CFAP44: variants seen among roughly 807,000 people sequenced by gnomAD.
CFAP44 encodes the protein cilia- and flagella-associated protein 44.
Under a neutral mutation model 216.2 loss-of-function variants are expected in CFAP44, and 134 were observed. That is an observed-to-expected ratio of 0.62 (90% CI 0.54 to 0.72). The LOEUF (loss-of-function observed/expected upper bound fraction) is 0.72, where lower values mean the gene tolerates loss of function less well. Among genes scored for constraint, CFAP44 ranks in the 30% least tolerant of loss-of-function variants. The pLI is 0.00. For synonymous variants in CFAP44, 700 were observed against 727.6 expected (o/e 0.96, Z 0.61); for missense variants, 2,035 against 2,182.1 (o/e 0.93, Z 1.34).
chr3:113,337,202 C>T (rs1950288643), intron 24 of CFAP44, among the ~76,000 whole-genome samples: 2 of 150,990 alleles, frequency 1.3e-5, no homozygotes, highest in Admixed American at 6.6e-5. Context: ...AAACACAATA[C>T]CATTTAAAAT....
At chr3:113,380,292 C>G (rs762655642) in intron 16 of CFAP44, among the ~76,000 whole-genome samples, 6 of 152,166 alleles carry the variant, frequency 3.9e-5, no homozygotes, top group African/African-American at 7.2e-5. Context: ...CAGACTCTTG[C>G]AACATCCTTC....
In CFAP44 at chr3:113,333,467, G is replaced by T. The variant is rs61732431; in HGVS notation, c.3554C>A (p.Pro1185His). The T allele has an allele frequency of 5.9e-6, 9 of 1,536,904 alleles. No homozygotes were observed. In the Admixed American group the frequency reaches 1.8e-4, roughly 30 times the overall value. The part of the protein sequence containing the change: ...NLKTAPDYKI[P>H]EHMRINAAKK... Reference sequence around the variant, plus strand: ...GGCAGCATTTATTCTCATGTGCTCAGGTATCTTGTAGTCTGGGGCTGTCTT... The same window carrying T: ...GGCAGCATTTATTCTCATGTGCTCATGTATCTTGTAGTCTGGGGCTGTCTT... Residue 1185 changes from proline (P) to histidine (H), a missense_variant, in exon 25 of 35, where the codon CCT becomes CAT. Physicochemically the swap from Pro to His is moderately conservative, Grantham distance 77. Around this residue, in one of 3 missense-constraint regions of CFAP44, gnomAD observed 1,883 missense variants for 2,023.7 expected, o/e 0.93. Transcript: ENST00000393845.
At chr3:113,358,528 T>A (rs1406911465) in intron 22 of CFAP44, among the ~76,000 whole-genome samples, 1 of 152,192 alleles carries the variant, frequency 6.6e-6, no homozygotes, top group African/African-American at 2.4e-5. Flanking sequence ...TTTTAAAATG[T>A]AAGTGTTAAA....
intron 26 of CFAP44, 82 bp from the exon 27 acceptor site, chr3:113,327,901 T>G: frequency 7.7e-7 from 1 of 1,291,808 alleles, no homozygotes; most frequent in Non-Finnish European, 1.0e-6. Flanking sequence ...CTAATTTGTA[T>G]GAAGTCATTT....
chr3:113,438,964 C>T (rs1018696156), intron 1 of CFAP44, among the ~76,000 whole-genome samples: 5 of 152,132 alleles, frequency 3.3e-5, no homozygotes, highest in African/African-American at 1.2e-4. Flanking sequence ...ATATGTTCTT[C>T]GTAGGATCTG....
At chr3:113,376,561 A>C (rs1231160208) in intron 17 of CFAP44, among the ~76,000 whole-genome samples, 1 of 152,240 alleles carries the variant, frequency 6.6e-6, no homozygotes, top group Non-Finnish European at 1.5e-5. Flanking sequence ...GTAATGTCTT[A>C]GAAGCCAAGA....
At chr3:113,334,260 T>C (rs1484525424) in intron 24 of CFAP44, among the ~76,000 whole-genome samples, 2 of 152,194 alleles carry the variant, frequency 1.3e-5, no homozygotes, top group Non-Finnish European at 2.9e-5. Context: ...AATTAAACTT[T>C]GTAATTGCAT....
intron 3 of CFAP44, chr3:113,426,676 A>G (rs1389475961): frequency 1.0e-5 from 2 of 195,344 alleles, no homozygotes; most frequent in Non-Finnish European, 2.1e-5. Context: ...GAACGGACTA[A>G]TACAAAGAGT....
At chr3:113,326,236 C>T (rs1331985783) in intron 28 of CFAP44, among the ~76,000 whole-genome samples, 3 of 152,318 alleles carry the variant, frequency 2.0e-5, no homozygotes, top group East Asian at 1.9e-4. Flanking sequence ...TAAACATGTG[C>T]ACACATGTGC....
chr3:113,292,386 C>T (rs1025329810), intron 34 of CFAP44, among the ~76,000 whole-genome samples: 1 of 152,150 alleles, frequency 6.6e-6, no homozygotes, highest in African/African-American at 2.4e-5. Flanking sequence ...CCTGCGAGAT[C>T]CTGTCTTTTA....
intron 15 of CFAP44, among the ~76,000 whole-genome samples, chr3:113,383,776 G>A (rs1221293755): frequency 5.9e-5 from 9 of 152,132 alleles, no homozygotes; most frequent in African/African-American, 2.2e-4. Context: ...TATACTTTAA[G>A]TTCTAGGATA....
intron 17 of CFAP44, among the ~76,000 whole-genome samples, chr3:113,374,916 G>A (rs887983233): frequency 4.6e-5 from 7 of 152,160 alleles, no homozygotes; most frequent in Non-Finnish European, 2.9e-5. Flanking sequence ...GATTACAGGC[G>A]TGAGCCACCG....
chr3:113,395,940 C>CA lies in CFAP44; in HGVS notation c.1780-81dup, dbSNP rs1933979249. 3.1e-6 allele frequency: 3 copies of CA among 969,098 alleles called. No individual in the cohort carries two copies. The East Asian group carries it at 7.7e-5, about 25-fold the overall frequency. 60.0% of individuals were successfully genotyped at this position (969,098 alleles called of 1,614,324 possible). On this transcript the variant is annotated intron_variant, in intron 14 of 34. Transcript: ENST00000393845. The stretch of plus-strand genomic sequence containing the variant: ...TAGATCACAAAAAAGCATGTAATAA[C>CA]ATAACGCTATCTCTATCTACAATGG...
chr3:113,302,517 GCACT>G (rs1267587541), intron 32 of CFAP44, among the ~76,000 whole-genome samples: 1 of 143,282 alleles, frequency 7.0e-6, no homozygotes, highest in Admixed American at 7.0e-5. Flanking sequence ...TGTAATCCCA[GCACT>G]TTGGGAGGCC....
At position 113,409,144 on chromosome 3, in the gene CFAP44, C is replaced by A. The variant is rs16845107; in HGVS notation, c.852G>T (p.Lys284Asn). Residue 284 changes from lysine (K) to asparagine (N), a missense_variant, in exon 7 of 35, where the codon AAG (lysine) becomes AAT (asparagine). This residue lies in a region of CFAP44 where 1,883 missense variants were observed against 2,023.7 expected (regional missense o/e 0.93). Transcript: ENST00000393845. ...ATCCCGATGTAGTAAGCTGCTCTTC[C>A]TTATCAGGATTGAAAGTAACCTTAA... ...EVFKVTFNPD[K>N]EEQLTTSGSG... 0.066 allele frequency: 105,967 copies of A among 1,613,772 alleles called. 4,077 individuals are homozygous for A. Among genetic ancestry groups the A allele is most frequent in the East Asian group, 0.17 (7,654 of 44,842 alleles).
At chr3:113,399,139 T>C (rs1331441800) in intron 13 of CFAP44, among the ~76,000 whole-genome samples, 2 of 152,186 alleles carry the variant, frequency 1.3e-5, no homozygotes, top group Admixed American at 6.5e-5. Context: ...CAGTCCCAGC[T>C]TAGCCTAGCC....
chr3:113,395,654 T>C (rs1350108016), intron 15 of CFAP44, 96 bp downstream of exon 15: 3 of 1,061,392 alleles, frequency 2.8e-6, no homozygotes, highest in Admixed American at 2.4e-5. Context: ...GAACCAGGAG[T>C]GGGCTAAAAA....
At chr3:113,297,058 C>T (rs909749586) in intron 32 of CFAP44, among the ~76,000 whole-genome samples, 173 bp from the exon 33 acceptor site, 1 of 152,122 alleles carries the variant, frequency 6.6e-6, no homozygotes, top group Non-Finnish European at 1.5e-5. Flanking sequence ...TTAAAAATGC[C>T]CATTCGGTAT....
chr3:113,348,824 C>T (rs1950414328), intron 22 of CFAP44, among the ~76,000 whole-genome samples: 1 of 152,190 alleles, frequency 6.6e-6, no homozygotes. Context: ...CCGATAGGTA[C>T]ACAGATGTCC....
Sources: allele counts gnomAD v4.1 joint callset (sites outside exome capture counted in the v4.1 genomes callset), GRCh38; gene constraint gnomAD v4.1.1; regional missense constraint gnomAD v4.1.1; transcripts MANE v1.5; gene names NCBI Gene and HGNC (gene_info 2026-07-23, HGNC 2026-07-21).